DLG2: variants seen among roughly 807,000 people sequenced by gnomAD.
DLG2 encodes the protein discs large MAGUK scaffold protein 2, also known as disks large homolog 2.
A neutral mutation model predicts 132.5 loss-of-function variants in DLG2; 45 were observed. The ratio of observed to expected loss-of-function variants is 0.34; its 90% confidence interval spans 0.27 to 0.44. The LOEUF is 0.44. Among genes scored for constraint, DLG2 ranks in the 20% least tolerant of loss-of-function variants. The pLI is 1.00. For synonymous variants in DLG2, 424 were observed against 419.6 expected, an observed-to-expected ratio of 1.01 and a Z score of -0.13; for missense variants, 1,045 against 1,196.9, an observed-to-expected ratio of 0.87 and a Z score of 1.87.
At chr11:84,664,923 G>A (rs1240843500) in intron 6 of DLG2, among the ~76,000 whole-genome samples, 1 of 151,978 alleles carries the variant, frequency 6.6e-6, no homozygotes, top group Non-Finnish European at 1.5e-5. Flanking sequence ...TTTGGCCACG[G>A]TATATGCTTT....
chr11:83,963,020 T>G lies in DLG2; in HGVS notation c.1205A>C (p.Tyr402Ser). The change falls in exon 14 of 28, where the codon TAT becomes TCT. Residue 402 changes from tyrosine to serine, a missense_variant. Tyr to Ser is a moderately radical substitution (Grantham distance 144). This residue lies in a region of DLG2 where 261 missense variants were observed against 256.1 expected (regional missense o/e 1.02). Transcript: ENST00000376104. Reference protein sequence around the residue: ...PYGPPDITHSYSPPMENHLLS... With the variant: ...PYGPPDITHSSSPPMENHLLS... ...TAGATGGTTTTCCATTGGTGGAGAA[T>G]AAGCTAAGAGGTGGGGGAAAAAGAG... 6.2e-7 allele frequency: 1 copy of G among 1,612,604 alleles called. No individual in the cohort carries two copies. The highest frequency in any genetic ancestry group is 8.5e-7 in the Non-Finnish European group (1 of 1,178,804).
intron 15 of DLG2, among the ~76,000 whole-genome samples, chr11:83,905,070 T>C (rs2074385840): frequency 6.6e-6 from 1 of 152,156 alleles, no homozygotes; most frequent in Admixed American, 6.6e-5. Flanking sequence ...TCCCATGCAT[T>C]TAGGATAAAA....
intron 10 of DLG2, among the ~76,000 whole-genome samples, chr11:84,097,649 C>T (rs1027413093): frequency 6.6e-6 from 1 of 152,144 alleles, no homozygotes; most frequent in African/African-American, 2.4e-5. Flanking sequence ...TATCTTACCT[C>T]CCACAATAAT....
rs373708341 is a variant in DLG2 at position 84,287,741 on chromosome 11, GACACACACACAC to G, written c.520-36462_520-36451del. Among the ~76,000 whole-genome samples the G allele has an allele frequency of 2.9e-3, 398 of 139,286 alleles. 2 individuals are homozygous for G. The highest frequency in any genetic ancestry group is 9.6e-3 in the South Asian group (40 of 4,148). The allele number at this position is 139,286 out of a possible 152,430, so 91.4% of individuals were successfully genotyped here. On this transcript the variant is annotated intron_variant, in intron 7 of 27. Transcript: ENST00000376104. ...TCCCTCCATATTTTTCTCTCTCTTA[GACACACACACAC>G]ACACACACACACACACACACACACA...
At chr11:85,625,281 C>G (rs2081974084) in intron 2 of DLG2, 1 of 152,164 alleles carries the variant, frequency 6.6e-6, no homozygotes, top group Non-Finnish European at 1.5e-5. Context: ...AATAAAAACA[C>G]ACATCAACTT....
intron 4 of DLG2, among the ~76,000 whole-genome samples, chr11:85,187,587 A>T (rs2080205904): frequency 6.6e-6 from 1 of 152,180 alleles, no homozygotes; most frequent in African/African-American, 2.4e-5. Flanking sequence ...TGTACAACAA[A>T]TTGAGAAATG....
rs984562465 is a variant in DLG2 at position 85,393,624 on chromosome 11, T to C, written c.41-108259A>G. On this transcript the variant is annotated intron_variant, in intron 3 of 27. Transcript: ENST00000376104. ...ATGTGGTATATATATATATATGGTA[T>C]GCATATGTGTGTGTGTGTGTGTGTG... is the stretch of plus-strand genomic sequence containing the variant. Among the ~76,000 whole-genome samples the C allele has an allele frequency of 3.4e-5, 4 of 118,626 alleles. No individual in the cohort carries two copies. In the South Asian group the frequency reaches 8.3e-4, roughly 24 times the overall value. The allele number at this position is 118,626 out of a possible 152,430, so 77.8% of individuals were successfully genotyped here.
chr11:85,033,043 G>A (rs935044964), intron 6 of DLG2, among the ~76,000 whole-genome samples: 4 of 152,158 alleles, frequency 2.6e-5, no homozygotes, highest in African/African-American at 7.2e-5. Context: ...CTTGCAAAAT[G>A]CAAAGCCAAC....
chr11:85,237,239 C>G (rs1360381451), intron 4 of DLG2, among the ~76,000 whole-genome samples: 1 of 152,030 alleles, frequency 6.6e-6, no homozygotes, highest in East Asian at 1.9e-4. Flanking sequence ...GCTCTTACAA[C>G]TTCACATTAT....
chr11:84,061,345 A>G lies in DLG2; in HGVS notation c.750-1861T>C, dbSNP rs189289209. 7.3e-4 allele frequency among the ~76,000 whole-genome samples: 111 copies of G among 152,322 alleles called. 1 individual carries two copies. Among genetic ancestry groups the G allele is most frequent in the African/African-American group, 2.6e-3 (110 of 41,574 alleles). On this transcript the variant is annotated intron_variant, in intron 10 of 27. Coordinates refer to ENST00000376104, the MANE Select transcript of DLG2 (RefSeq NM_001142699.3). Reference sequence around the variant, plus strand: ...AATGAACACCTAATAAATGTTTGTTATTGATAACAGTGCAATATTTGTTGA... The same window carrying G: ...AATGAACACCTAATAAATGTTTGTTGTTGATAACAGTGCAATATTTGTTGA...
At chr11:84,191,805 T>C (rs1242549812) in intron 8 of DLG2, among the ~76,000 whole-genome samples, 1 of 152,106 alleles carries the variant, frequency 6.6e-6, no homozygotes, top group East Asian at 1.9e-4. Context: ...AGTGGAGTGG[T>C]AGGGAGAACT....
At chr11:84,234,854 G>A (rs920969617) in intron 8 of DLG2, among the ~76,000 whole-genome samples, 2 of 152,150 alleles carry the variant, frequency 1.3e-5, no homozygotes, top group African/African-American at 4.8e-5. Context: ...GCCACACAAA[G>A]TTTTCTCTTA....
intron 3 of DLG2, among the ~76,000 whole-genome samples, chr11:85,396,411 T>G (rs376127063): frequency 6.6e-6 from 1 of 151,978 alleles, no homozygotes. Flanking sequence ...GGAACAAAAC[T>G]GGACAGAGAA....
chr11:83,869,941 G>A (rs1368711966), intron 16 of DLG2, among the ~76,000 whole-genome samples: 2 of 152,188 alleles, frequency 1.3e-5, no homozygotes, highest in Non-Finnish European at 2.9e-5. Flanking sequence ...AAAGCTTTCT[G>A]AGTAGCTGAA....
intron 3 of DLG2, chr11:85,510,110 C>T (rs286538): frequency 0.87 from 130,691 of 150,288 alleles, 57,070 homozygotes; most frequent in Non-Finnish European, 0.91. Context: ...GAAAGCTACC[C>T]AGGATGAAGG....
At chr11:84,613,634 T>C (rs1413732349) in intron 6 of DLG2, among the ~76,000 whole-genome samples, 3 of 152,222 alleles carry the variant, frequency 2.0e-5, no homozygotes, top group Non-Finnish European at 4.4e-5. Context: ...AGTTGTTTTG[T>C]TGCTTTTACT....
chr11:84,533,975 A>G (rs1318278846), intron 7 of DLG2, among the ~76,000 whole-genome samples: 1 of 149,498 alleles, frequency 6.7e-6, no homozygotes, highest in East Asian at 2.0e-4. Context: ...ATAGAAAAGT[A>G]TTTTTCTCAT....
chr11:84,123,565 A>G (rs2154208157), intron 9 of DLG2, among the ~76,000 whole-genome samples: 1 of 152,280 alleles, frequency 6.6e-6, no homozygotes, highest in South Asian at 2.1e-4. Flanking sequence ...TGCTCCGGGT[A>G]CTGTATGAAT....
chr11:84,348,741 C>T (rs1353557924), intron 7 of DLG2, among the ~76,000 whole-genome samples: 1 of 152,064 alleles, frequency 6.6e-6, no homozygotes, highest in African/African-American at 2.4e-5. Flanking sequence ...TTAGAGTGAG[C>T]CCTAATCCAA....
Sources: gnomAD v4.1 joint callset for allele counts (sites outside exome capture counted in the v4.1 genomes callset) on GRCh38, gnomAD v4.1.1 for gene constraint, gnomAD v4.1.1 regional missense constraint, MANE v1.5 for transcripts, NCBI Gene and HGNC (gene_info 2026-07-23, HGNC 2026-07-21) for gene names.